GRIK4: variants seen among roughly 807,000 people sequenced by gnomAD.
GRIK4 encodes the protein glutamate ionotropic receptor kainate type subunit 4.
In GRIK4, 40 loss-of-function variants were observed where a neutral mutation model predicts 104.9. That is an observed-to-expected ratio of 0.38 (90% CI 0.30 to 0.50). The LOEUF is 0.50. Among genes scored for constraint, GRIK4 ranks in the 20% least tolerant of loss-of-function variants. The pLI, the probability that GRIK4 is intolerant of heterozygous loss-of-function variation, is 0.93. For synonymous variants in GRIK4, 485 were observed against 524.9 expected (o/e 0.92, Z 1.04); for missense variants, 1,047 against 1,308.1 (o/e 0.80, Z 3.08).
intron 5 of GRIK4, among the ~76,000 whole-genome samples, chr11:120,815,751 G>T (rs1952940526): frequency 6.6e-6 from 1 of 152,136 alleles, no homozygotes; most frequent in South Asian, 2.1e-4. Context: ...CGGCCTCTTG[G>T]TGGTGGTGGG....
chr11:120,806,311 T>A (rs1284120737), intron 4 of GRIK4, among the ~76,000 whole-genome samples: 1 of 152,218 alleles, frequency 6.6e-6, no homozygotes, highest in Non-Finnish European at 1.5e-5. Context: ...TCCATCGTAA[T>A]TGGATATTCC....
intron 1 of GRIK4, among the ~76,000 whole-genome samples, chr11:120,638,539 A>G (rs1038397720): frequency 6.7e-5 from 10 of 149,884 alleles, no homozygotes; most frequent in Non-Finnish European, 1.2e-4. Context: ...GTGCAGTGGC[A>G]TGATCTCGGC....
At chr11:120,529,883 G>A (rs1339088114) in intron 1 of GRIK4, among the ~76,000 whole-genome samples, 1 of 152,056 alleles carries the variant, frequency 6.6e-6, no homozygotes, top group African/African-American at 2.4e-5. Flanking sequence ...TTTTATAGAT[G>A]AGGAGACAGA....
chr11:120,886,453 G>A (rs1955121935), intron 11 of GRIK4, among the ~76,000 whole-genome samples: 1 of 152,194 alleles, frequency 6.6e-6, no homozygotes, highest in Non-Finnish European at 1.5e-5. Context: ...CTGGCTGAGT[G>A]AGCGTGCTGT....
chr11:120,921,001 CCTT>C (rs1196758892), intron 13 of GRIK4, among the ~76,000 whole-genome samples: 2 of 152,130 alleles, frequency 1.3e-5, no homozygotes, highest in African/African-American at 4.8e-5. Context: ...CACATTTGCG[CCTT>C]CTTCTTTCAA....
At chr11:120,514,719 C>T (rs905916963) in intron 1 of GRIK4, among the ~76,000 whole-genome samples, 7 of 152,172 alleles carry the variant, frequency 4.6e-5, no homozygotes, top group South Asian at 2.1e-4. Context: ...CTTGCCTCCT[C>T]CTTGTGGAAA....
chr11:120,778,446 A>G (rs1952085286), intron 3 of GRIK4, among the ~76,000 whole-genome samples: 1 of 152,264 alleles, frequency 6.6e-6, no homozygotes, highest in African/African-American at 2.4e-5. Flanking sequence ...AAATTTAAAT[A>G]AAGACTTTAG....
chr11:120,875,085 G>C lies in GRIK4; in HGVS notation c.1060-54G>C, dbSNP rs1225882525. The C allele has an allele frequency of 2.7e-6, 3 of 1,123,426 alleles. No individual in the cohort carries two copies. The African/African-American group carries it at 4.6e-5, about 17-fold the overall frequency. 69.6% of individuals were successfully genotyped at this position (1,123,426 alleles called of 1,614,324 possible). ...CCCCTGTGTAGAAATCTTGCTTGGG[G>C]GCAAGTGTAACCTGGGGCCTGTTTG... On this transcript the variant is annotated intron_variant, in intron 10 of 20. Coordinates refer to ENST00000527524, the MANE Select transcript of GRIK4 (RefSeq NM_014619.5).
chr11:120,629,689 C>A (rs1057114574), intron 1 of GRIK4, among the ~76,000 whole-genome samples: 3 of 152,214 alleles, frequency 2.0e-5, no homozygotes, highest in Non-Finnish European at 2.9e-5. Flanking sequence ...GATTGTCCTG[C>A]TAGGCAGAAA....
chr11:120,865,224 T>C (rs1163683188), intron 9 of GRIK4, among the ~76,000 whole-genome samples: 1 of 152,212 alleles, frequency 6.6e-6, no homozygotes, highest in Non-Finnish European at 1.5e-5. Flanking sequence ...AATCATTCAC[T>C]AAGTTAATAT....
intron 3 of GRIK4, among the ~76,000 whole-genome samples, chr11:120,787,979 C>T (rs900998316): frequency 8.8e-5 from 13 of 147,158 alleles, no homozygotes; most frequent in South Asian, 4.3e-4. Flanking sequence ...TATTCTCCTG[C>T]GTCAGCCTCC....
intron 1 of GRIK4, among the ~76,000 whole-genome samples, chr11:120,567,167 T>A (rs1948339190): frequency 6.6e-6 from 1 of 151,556 alleles, no homozygotes; most frequent in African/African-American, 2.4e-5. Context: ...TTTGATGTTA[T>A]TTTTTTAGAG....
At chr11:120,795,720 A>G (rs898534431) in intron 3 of GRIK4, among the ~76,000 whole-genome samples, 1 of 152,090 alleles carries the variant, frequency 6.6e-6, no homozygotes, top group African/African-American at 2.4e-5. Flanking sequence ...TTAATTTGGG[A>G]TGGGGAGTTT....
At chr11:120,593,622 T>C (rs966641238) in intron 1 of GRIK4, among the ~76,000 whole-genome samples, 1 of 152,298 alleles carries the variant, frequency 6.6e-6, no homozygotes, top group Non-Finnish European at 1.5e-5. Flanking sequence ...TCTCTCTGAG[T>C]GAACTCACCT....
chr11:120,610,160 G>T (rs1024393766), intron 1 of GRIK4, among the ~76,000 whole-genome samples: 2 of 150,582 alleles, frequency 1.3e-5, no homozygotes, highest in Non-Finnish European at 2.9e-5. Flanking sequence ...TACAGGTGGA[G>T]GCCTGGACTG....
chr11:120,773,512 C>T (rs183508793), intron 3 of GRIK4, among the ~76,000 whole-genome samples: 3 of 152,258 alleles, frequency 2.0e-5, no homozygotes. Context: ...GGTAAGCGTG[C>T]GAATGGATGC....
chr11:120,946,726 A>C (rs985649656), intron 14 of GRIK4, among the ~76,000 whole-genome samples: 2 of 152,226 alleles, frequency 1.3e-5, no homozygotes, highest in African/African-American at 4.8e-5. Context: ...CAGTTAGTGC[A>C]GAGGAAAGAG....
rs1206508744 is a variant in GRIK4, at chr11:120,952,994, C to T, written c.1700+30C>T. On this transcript the variant is annotated intron_variant, in intron 15 of 20. Coordinates refer to ENST00000527524, the MANE Select transcript of GRIK4 (RefSeq NM_014619.5). The surrounding 1 kb of genome is among the most constrained non-coding windows in gnomAD (Gnocchi z 5.2). ...TCTCCTCTTCCCTTCCCTGTCCTTA[C>T]ACCGCCACCTCGTGTCCACCTCTGG... The T allele has an allele frequency of 1.4e-6, 2 of 1,403,020 alleles. No individual in the cohort carries two copies. Among genetic ancestry groups the T allele is most frequent in the African/African-American group, 1.4e-5 (1 of 70,740 alleles). 86.9% of individuals were successfully genotyped at this position (1,403,020 alleles called of 1,614,324 possible). A position where few individuals can be genotyped will look rare whatever the true frequency, so the allele number is the denominator to read the frequency against.
intron 3 of GRIK4, among the ~76,000 whole-genome samples, chr11:120,721,764 G>C (rs1950937191): frequency 6.6e-6 from 1 of 152,116 alleles, no homozygotes; most frequent in Non-Finnish European, 1.5e-5. Flanking sequence ...CTCAGAAAAT[G>C]CCCTTGTGTA....
Sources: gnomAD v4.1 joint callset for allele counts (sites outside exome capture counted in the v4.1 genomes callset) on GRCh38, gnomAD v4.1.1 for gene constraint, Gnocchi (gnomAD v3.1) non-coding constraint, MANE v1.5 for transcripts, NCBI Gene and HGNC (gene_info 2026-07-23, HGNC 2026-07-21) for gene names.